The following SERINC2 variants were observed in gnomAD, a reference collection of about 807,000 sequenced individuals.
SERINC2 encodes the protein serine incorporator 2.
Under a neutral mutation model 54.2 loss-of-function variants are expected in SERINC2, and 56 were observed. That is an observed-to-expected ratio of 1.03 (90% CI 0.83 to 1.29). The LOEUF (loss-of-function observed/expected upper bound fraction) is 1.29, where lower values mean the gene tolerates loss of function less well. Among genes scored for constraint, SERINC2 ranks in the 50% most tolerant of loss-of-function variants. The pLI is 0.00. For synonymous variants in SERINC2, 272 were observed against 253.1 expected (o/e 1.07, Z -0.71); for missense variants, 614 against 607.4 (o/e 1.01, Z -0.12).
At chr1:31,428,519 C>CGTA (rs1439698416) in intron 6 of SERINC2, among the ~76,000 whole-genome samples, 3 of 151,984 alleles carry the variant, frequency 2.0e-5, no homozygotes, top group African/African-American at 7.3e-5. Context: ...GCAGGGCTGC[C>CGTA]GTAGTTCAGG....
chr1:31,432,433 T>A (rs1015008157), intron 8 of SERINC2, among the ~76,000 whole-genome samples: 1 of 152,120 alleles, frequency 6.6e-6, no homozygotes, highest in African/African-American at 2.4e-5. Flanking sequence ...TGTTCTTTTT[T>A]TAGTGTAAGC....
At chr1:31,431,950 AGGGTGGT>A (rs1557500417) in intron 8 of SERINC2, among the ~76,000 whole-genome samples, 9 of 143,186 alleles carry the variant, frequency 6.3e-5, no homozygotes, top group East Asian at 2.1e-4. Context: ...TAGGGTGGTT[AGGGTGGT>A]TAGGGTGGAT....
rs782216996 is a variant in SERINC2, at chr1:31,432,959, C to T, written c.1014-8C>T. ...ATCTATTTGCCCACCTTCCTCCCTC[C>T]CCTGCAGTCTGCGCTCCTCAGACCA... On this transcript the variant is annotated splice_polypyrimidine_tract_variant and splice_region_variant and intron_variant, in intron 8 of 9. Coordinates refer to ENST00000373709, the MANE Select transcript of SERINC2 (RefSeq NM_178865.5). 6.2e-7 allele frequency: 1 copy of T among 1,602,476 alleles called. No individual in the cohort carries two copies. Among genetic ancestry groups the T allele is most frequent in the Non-Finnish European group, 8.5e-7 (1 of 1,174,860 alleles).
In SERINC2 at chr1:31,432,926, C is replaced by T. The variant is rs782586690; in HGVS notation, c.1014-41C>T. 41 of 1,500,596 alleles carry T rather than the reference C, an allele frequency of 2.7e-5. No individual in the cohort carries two copies. In the Admixed American group the frequency reaches 7.4e-4, roughly 27 times the overall value. The allele number at this position is 1,500,596 out of a possible 1,614,324, so 93.0% of individuals were successfully genotyped here. A position where few individuals can be genotyped will look rare whatever the true frequency, so the allele number is the denominator to read the frequency against. ...TTTGTGTCCAGTGTTATGAGCAACG[C>T]CAGAGCTATCTATTTGCCCACCTTC... On this transcript the variant is annotated intron_variant, in intron 8 of 9. Coordinates refer to ENST00000373709, the MANE Select transcript of SERINC2 (RefSeq NM_178865.5).
Position 31,424,800 on chromosome 1 carries a change from T to G in SERINC2, c.319T>G (p.Phe107Val). The G allele has an allele frequency of 6.2e-7, 1 of 1,611,326 alleles. No individual in the cohort carries two copies. Among genetic ancestry groups the G allele is most frequent in the Non-Finnish European group, 8.5e-7 (1 of 1,179,088 alleles). The stretch of plus-strand genomic sequence containing the variant: ...CCGCATGTGCTTCGCCACGGCGGCC[T>G]TCTTCTTCTTTTTCACCCTGCTCAT... ...VYRMCFATAA[F>V]FFFFTLLMLC... is the part of the protein sequence containing the mutation. The change falls in exon 3 of 10, where the codon TTC becomes GTC. Residue 107 changes from phenylalanine (F) to valine (V), a missense_variant. Physicochemically the swap from Phe to Val is conservative, Grantham distance 50. Coordinates refer to ENST00000373709, the MANE Select transcript of SERINC2 (RefSeq NM_178865.5).
In SERINC2 at chr1:31,413,996, C is replaced by A. The variant is rs1553131844; in HGVS notation, c.39+692C>A. On this transcript the variant is annotated intron_variant, in intron 1 of 9. Transcript: ENST00000373709. The surrounding 1 kb of genome is among the most constrained non-coding windows in gnomAD (Gnocchi z 5.0). The stretch of plus-strand genomic sequence containing the variant: ...CCAGCTCGCCCCGGATCATCTGGGC[C>A]CCAGCGCGGAGACTGGGATGGGAGC... 1 of 1,528,604 alleles carries A rather than the reference C, an allele frequency of 6.5e-7. No individual in the cohort carries two copies. The highest frequency in any genetic ancestry group is 1.2e-5 in the South Asian group (1 of 83,490). 94.7% of individuals were successfully genotyped at this position (1,528,604 alleles called of 1,614,324 possible).
rs1641257011 is a variant in SERINC2 at position 31,432,003 on chromosome 1, T to TAGGGTGGATAGGGTGGACAGGGTGGAC, written c.1014-955_1014-929dup. Among the ~76,000 whole-genome samples, 9 of 23,228 alleles carry TAGGGTGGATAGGGTGGACAGGGTGGAC rather than the reference T, an allele frequency of 3.9e-4. 1 individual carries two copies. The highest frequency in any genetic ancestry group is 5.3e-4 in the Non-Finnish European group (4 of 7,540). 15.2% of individuals were successfully genotyped at this position (23,228 alleles called of 152,430 possible). A position where few individuals can be genotyped will look rare whatever the true frequency, so the allele number is the denominator to read the frequency against. On this transcript the variant is annotated intron_variant, in intron 8 of 9. Coordinates refer to ENST00000373709, the MANE Select transcript of SERINC2 (RefSeq NM_178865.5). Reference sequence around the variant, plus strand: ...GGGTGGATAGGGTGGATAGGGTGGATAGGGTGGATAGGGTGGACAGGGTGG... The same window carrying TAGGGTGGATAGGGTGGACAGGGTGGAC: ...GGGTGGATAGGGTGGATAGGGTGGATAGGGTGGATAGGGTGGACAGGGTGGACAGGGTGGATAGGGTGGACAGGGTGG...
At chr1:31,432,075 C>CAGGGTGGACAGGGTGGAT (rs1641276539) in intron 8 of SERINC2, among the ~76,000 whole-genome samples, 3 of 13,322 alleles carry the variant, frequency 2.3e-4, no homozygotes, top group African/African-American at 8.1e-4. Context: ...ACAGGGTGGA[C>CAGGGTGGACAGGGTGGAT]AGGGTGGTTA....
At chr1:31,425,528 G>T in intron 4 of SERINC2, 119 bp downstream of exon 4, 1 of 921,592 alleles carries the variant, frequency 1.1e-6, no homozygotes. Flanking sequence ...TGCTGGCTAG[G>T]TCCTCGCTCC....
At chr1:31,428,855 G>A (rs1390158857) in intron 6 of SERINC2, 123 bp from the exon 7 acceptor site, 3 of 742,672 alleles carry the variant, frequency 4.0e-6, no homozygotes, top group African/African-American at 3.5e-5. Flanking sequence ...TTCCCTAAGT[G>A]GGGTGTGGTG....
At chr1:31,416,196 G>A (rs1243146331) in intron 1 of SERINC2, among the ~76,000 whole-genome samples, 1 of 152,186 alleles carries the variant, frequency 6.6e-6, no homozygotes, top group Non-Finnish European at 1.5e-5. Context: ...ATGGGACTGA[G>A]GTTAGCACAG....
chr1:31,420,550 T>TG (rs1553132658), intron 1 of SERINC2, among the ~76,000 whole-genome samples: 3 of 151,312 alleles, frequency 2.0e-5, no homozygotes, highest in East Asian at 3.9e-4. Flanking sequence ...TTTGTTTGTT[T>TG]TTTCATCACT....
chr1:31,414,111 C>T, intron 1 of SERINC2: 1 of 1,444,614 alleles, frequency 6.9e-7, no homozygotes, highest in Non-Finnish European at 9.1e-7. Context: ...GTTGGGAGAG[C>T]AGGAATCGAG....
chr1:31,414,724 T>C (rs781921194), intron 1 of SERINC2: 1 of 985,428 alleles, frequency 1.0e-6, no homozygotes, highest in Non-Finnish European at 1.2e-6. Context: ...GTTTGCTTCC[T>C]GGTGAGGGAG....
chr1:31,413,890 C>T lies in SERINC2; in HGVS notation c.39+586C>T, dbSNP rs1640708454. 8.3e-6 allele frequency: 12 copies of T among 1,444,274 alleles called. No homozygotes were observed. Among genetic ancestry groups the T allele is most frequent in the Admixed American group, 5.3e-5 (2 of 37,504 alleles). 89.5% of individuals were successfully genotyped at this position (1,444,274 alleles called of 1,614,324 possible). A position where few individuals can be genotyped will look rare whatever the true frequency, so the allele number is the denominator to read the frequency against. The stretch of plus-strand genomic sequence containing the variant: ...GTCTGCTGTCTTCTGTCCGTCTGCC[C>T]GTCCGCCCGTCCGTCCCTCAGTCTC... On this transcript the variant is annotated intron_variant, in intron 1 of 9. Coordinates refer to ENST00000373709, the MANE Select transcript of SERINC2 (RefSeq NM_178865.5). This position sits in a 1 kb window ranked among gnomAD's most constrained non-coding sequence, Gnocchi z 5.0.
chr1:31,412,201 TA>T (rs1307093012), upstream of SERINC2, among the ~76,000 whole-genome samples: 3 of 152,118 alleles, frequency 2.0e-5, no homozygotes, highest in Admixed American at 2.0e-4. Context: ...CTTCTTTCCC[TA>T]ACATTATCTT....
chr1:31,430,149 A>G (rs554435622), intron 8 of SERINC2, among the ~76,000 whole-genome samples: 1 of 152,196 alleles, frequency 6.6e-6, no homozygotes, highest in South Asian at 2.1e-4. Flanking sequence ...TTGTCTGTAA[A>G]ATAGAGATAA....
In SERINC2 at chr1:31,425,318, C is replaced by A; in HGVS notation, c.393-12C>A. 1.9e-6 allele frequency: 3 copies of A among 1,602,078 alleles called. No individual in the cohort carries two copies. Among genetic ancestry groups the A allele is most frequent in the Non-Finnish European group, 2.6e-6 (3 of 1,168,742 alleles). The stretch of plus-strand genomic sequence containing the variant: ...CTCAGCTTCCTTGTCCATTCCCCGA[C>A]CCCTTCTGTAGGTTTTGGTTCTTTA... On this transcript the variant is annotated splice_polypyrimidine_tract_variant and intron_variant, in intron 3 of 9. Coordinates refer to ENST00000373709, the MANE Select transcript of SERINC2 (RefSeq NM_178865.5).
At chr1:31,431,795 A>ATAGGACGGTTAGGGTGGATAGGACGGT (rs1557499806) in intron 8 of SERINC2, among the ~76,000 whole-genome samples, 1 of 49,710 alleles carries the variant, frequency 2.0e-5, no homozygotes, top group Non-Finnish European at 6.5e-5. Flanking sequence ...GATAGGGTGG[A>ATAGGACGGTTAGGGTGGATAGGACGGT]TAGGGTGGAC....
Sources: gnomAD v4.1 joint callset for allele counts (sites outside exome capture counted in the v4.1 genomes callset) on GRCh38, gnomAD v4.1.1 for gene constraint, Gnocchi (gnomAD v3.1) non-coding constraint, MANE v1.5 for transcripts, NCBI Gene and HGNC (gene_info 2026-07-23, HGNC 2026-07-21) for gene names.